Variants in PRORP observed in about 807,000 individuals in gnomAD.
PRORP encodes the protein protein only RNase P catalytic subunit.
A neutral mutation model predicts 59.4 loss-of-function variants in PRORP; 51 were observed. The ratio of observed to expected loss-of-function variants is 0.86; its 90% CI spans 0.69 to 1.08. PRORP has a LOEUF of 1.08. Ranked by LOEUF, PRORP falls within the 50% of genes least tolerant of loss-of-function variation. The pLI, the probability that PRORP is intolerant of heterozygous loss-of-function variation, is 0.00. For missense variants in PRORP, 646 were observed against 690.3 expected, an observed-to-expected ratio of 0.94 and a Z score of 0.72; for synonymous variants, 231 against 245.6, an observed-to-expected ratio of 0.94 and a Z score of 0.55.
chr14:35,238,324 C>T (rs954320550), intron 5 of PRORP, among the ~76,000 whole-genome samples: 2 of 152,140 alleles, frequency 1.3e-5, no homozygotes, highest in Non-Finnish European at 2.9e-5. Flanking sequence ...ATATCTAGAC[C>T]GCCCCTCACT....
intron 4 of PRORP, among the ~76,000 whole-genome samples, chr14:35,131,053 C>A (rs1216544679): frequency 6.6e-6 from 1 of 152,026 alleles, no homozygotes; most frequent in Non-Finnish European, 1.5e-5. Flanking sequence ...AAGTGATTCT[C>A]CTGCCTCAGC....
chr14:35,218,533 TTTTTTTTTG>T (rs1453610822), intron 5 of PRORP, among the ~76,000 whole-genome samples: 5 of 47,094 alleles, frequency 1.1e-4, no homozygotes, highest in Non-Finnish European at 1.3e-4. Context: ...TTTTTTTTTT[TTTTTTTTTG>T]TTGAGACAGA....
intron 5 of PRORP, among the ~76,000 whole-genome samples, chr14:35,261,512 C>T (rs868589198): frequency 1.3e-5 from 2 of 152,124 alleles, no homozygotes; most frequent in Admixed American, 6.6e-5. Context: ...GGGCAGATCA[C>T]GAGGTCAGGA....
At chr14:35,272,049 A>AC (rs1194510784) in intron 7 of PRORP, among the ~76,000 whole-genome samples, 14 of 151,274 alleles carry the variant, frequency 9.3e-5, no homozygotes, top group African/African-American at 3.2e-4. Context: ...AAAAACAACA[A>AC]AAAAAAAACG....
At chr14:35,129,140 G>T (rs917436050) in intron 4 of PRORP, among the ~76,000 whole-genome samples, 1 of 151,938 alleles carries the variant, frequency 6.6e-6, no homozygotes, top group Non-Finnish European at 1.5e-5. Flanking sequence ...CCCAGGAGGC[G>T]GAGGTTGAAG....
intron 5 of PRORP, among the ~76,000 whole-genome samples, chr14:35,241,202 AC>A (rs1330227754): frequency 2.0e-5 from 3 of 152,078 alleles, no homozygotes; most frequent in Non-Finnish European, 4.4e-5. Context: ...ACATGGTGAA[AC>A]CCTGTCTCTA....
intron 5 of PRORP, among the ~76,000 whole-genome samples, chr14:35,237,304 G>A (rs1249082179): frequency 1.3e-5 from 2 of 151,584 alleles, no homozygotes; most frequent in Admixed American, 6.6e-5. Flanking sequence ...TGTTGCCCAG[G>A]CGGATCTCAA....
chr14:35,254,526 G>T (rs533813516), intron 5 of PRORP, among the ~76,000 whole-genome samples: 99 of 152,278 alleles, frequency 6.5e-4, no homozygotes, highest in Non-Finnish European at 1.2e-3. Context: ...CTGAGTAGCT[G>T]GGATTACAGG....
At chr14:35,249,210 A>G (rs988190370) in intron 5 of PRORP, among the ~76,000 whole-genome samples, 2 of 152,184 alleles carry the variant, frequency 1.3e-5, no homozygotes, top group Non-Finnish European at 2.9e-5. Context: ...CAAATAGGAA[A>G]ATTCCCACCC....
intron 5 of PRORP, among the ~76,000 whole-genome samples, chr14:35,239,861 G>A (rs994874005): frequency 1.2e-4 from 18 of 152,116 alleles, no homozygotes; most frequent in Admixed American, 8.5e-4. Context: ...GATCACCTGC[G>A]GTCAAGAGTT....
Position 35,273,578 on chromosome 14 carries a change from T to C in PRORP, c.*12T>C. 1 of 1,609,540 alleles carries C rather than the reference T, an allele frequency of 6.2e-7. No homozygotes were observed. On this transcript the variant is annotated 3_prime_UTR_variant, in exon 8 of 8. Coordinates refer to ENST00000534898, the MANE Select transcript of PRORP (RefSeq NM_014672.4). ...ACCAAAAGACATAGAGATTCTTACCTCTATGCTAAGTTTGTGTTTGGGTAC... is the reference window on the plus strand; with the variant it reads ...ACCAAAAGACATAGAGATTCTTACCCCTATGCTAAGTTTGTGTTTGGGTAC...
At chr14:35,194,929 C>A (rs527569331) in intron 5 of PRORP, among the ~76,000 whole-genome samples, 22 of 152,186 alleles carry the variant, frequency 1.4e-4, no homozygotes, top group South Asian at 4.1e-4. Context: ...TTGTAACTAT[C>A]TGCATAATTA....
upstream of PRORP, chr14:35,122,085 G>A: frequency 1.0e-6 from 1 of 959,654 alleles, no homozygotes; most frequent in Non-Finnish European, 1.6e-6. Flanking sequence ...CATCTTGATC[G>A]AGGGCGGAAG....
chr14:35,167,535 T>C (rs1319142969), intron 4 of PRORP, among the ~76,000 whole-genome samples: 1 of 152,222 alleles, frequency 6.6e-6, no homozygotes, highest in Non-Finnish European at 1.5e-5. Flanking sequence ...GCCTCCATGT[T>C]AGTTGTTAGC....
intron 5 of PRORP, among the ~76,000 whole-genome samples, chr14:35,252,080 A>G (rs1207427059): frequency 6.6e-6 from 1 of 152,214 alleles, no homozygotes; most frequent in Non-Finnish European, 1.5e-5. Context: ...TGACATTTCA[A>G]TTATGTTTCT....
At chr14:35,222,306 A>C (rs1176526528) in intron 5 of PRORP, 1 of 152,248 alleles carries the variant, frequency 6.6e-6, no homozygotes, top group African/African-American at 2.4e-5. Flanking sequence ...TCCAGTCTTT[A>C]GAAAGAATGG....
At chr14:35,147,928 C>A (rs1341097826) in intron 4 of PRORP, among the ~76,000 whole-genome samples, 1 of 152,164 alleles carries the variant, frequency 6.6e-6, no homozygotes, top group Admixed American at 6.5e-5. Flanking sequence ...GAAGAAATTC[C>A]TAATCCAAGT....
chr14:35,122,193 G>A, upstream of PRORP: 1 of 547,148 alleles, frequency 1.8e-6, no homozygotes, highest in Admixed American at 3.1e-5. Context: ...ATGGAAAATG[G>A]TTCTCCTTCA....
At chr14:35,208,632 G>A (rs887077204) in intron 5 of PRORP, among the ~76,000 whole-genome samples, 2 of 152,166 alleles carry the variant, frequency 1.3e-5, no homozygotes, top group African/African-American at 4.8e-5. Flanking sequence ...CACTTTGGGA[G>A]GCCGAGGCAG....
Sources: allele counts gnomAD v4.1 joint callset (sites outside exome capture counted in the v4.1 genomes callset), GRCh38; gene constraint gnomAD v4.1.1; transcripts MANE v1.5; gene names NCBI Gene and HGNC (gene_info 2026-07-23, HGNC 2026-07-21).